The following HARS2 variants were observed in gnomAD, a reference collection of about 807,000 sequenced individuals.
HARS2 encodes the protein histidine--tRNA ligase, mitochondrial.
HARS2 carries 40 observed loss-of-function variants against 62.4 expected under a neutral mutation model. That is an observed-to-expected ratio of 0.64 (90% CI 0.50 to 0.83). The LOEUF is 0.83. HARS2 is among the 40% of genes least tolerant of loss of function. The pLI, the probability that HARS2 is intolerant of heterozygous loss-of-function variation, is 0.00. For missense variants in HARS2, 569 were observed against 626.4 expected (o/e 0.91, Z 0.98); for synonymous variants, 228 against 227.0 (o/e 1.00, Z -0.04).
chr5:140,693,424 A>G, intron 1 of HARS2, 167 bp from the exon 2 acceptor site: 3 of 1,361,012 alleles, frequency 2.2e-6, no homozygotes. Flanking sequence ...TAAATACAAC[A>G]TAGATTCTTT....
chr5:140,694,139 T>G (rs777331269), intron 3 of HARS2, 46 bp from the exon 4 acceptor site: 1 of 1,605,480 alleles, frequency 6.2e-7, no homozygotes. Context: ...ATCTGTGTTT[T>G]GGAGTCATGC....
rs1759777811 is a variant in HARS2, at chr5:140,697,142, G to C, written c.955-22G>C. ...AGGGTCCCGAGTCTAGTTTGGGACT[G>C]ACTGTAATCTTGTCCCCACAGATCT... On this transcript the variant is annotated intron_variant, in intron 9 of 12. Transcript: ENST00000230771. 12 of 1,614,138 alleles carry C rather than the reference G, an allele frequency of 7.4e-6. No homozygotes were observed. In the South Asian group the frequency reaches 7.7e-5, roughly 10 times the overall value.
chr5:140,697,453 T>C (rs1759796837), intron 10 of HARS2, 47 bp downstream of exon 10: 2 of 1,613,174 alleles, frequency 1.2e-6, no homozygotes, highest in Non-Finnish European at 1.7e-6. Flanking sequence ...CTAAAAACCC[T>C]CCTGTTTCTG....
chr5:140,691,643 C>G lies in HARS2; in HGVS notation c.-6C>G. 1 of 1,543,632 alleles carries G rather than the reference C, an allele frequency of 6.5e-7. No homozygotes were observed. The highest frequency in any genetic ancestry group is 8.8e-7 in the Non-Finnish European group (1 of 1,140,454). On this transcript the variant is annotated 5_prime_UTR_variant, in exon 1 of 13. Coordinates refer to ENST00000230771, the MANE Select transcript of HARS2 (RefSeq NM_012208.4). ...CTGTCCCGGAAAGCCGGCGTCCTGC[C>G]GCGCGATGCCCCTGCTCGGACTTCT...
At chr5:140,693,718 C>A in intron 2 of HARS2, 53 bp downstream of exon 2, 1 of 1,415,992 alleles carries the variant, frequency 7.1e-7, no homozygotes, top group Non-Finnish European at 1.0e-6. Flanking sequence ...GGACTGACCT[C>A]TGCCTTGCAT....
In HARS2 at chr5:140,696,044, C is replaced by T. The variant is rs1759728339; in HGVS notation, c.634-59C>T. 4.9e-6 allele frequency: 6 copies of T among 1,231,294 alleles called. No individual in the cohort carries two copies. In the Admixed American group the frequency reaches 5.0e-5, roughly 10 times the overall value. 76.3% of individuals were successfully genotyped at this position (1,231,294 alleles called of 1,614,324 possible). A position where few individuals can be genotyped will look rare whatever the true frequency, so the allele number is the denominator to read the frequency against. ...TGTGTGTCAGGAAAGTAGGTACTGCCATTGTTTTGAGTGGAAGGGCATTGA... is the reference window on the plus strand; with the variant it reads ...TGTGTGTCAGGAAAGTAGGTACTGCTATTGTTTTGAGTGGAAGGGCATTGA... On this transcript the variant is annotated intron_variant, in intron 6 of 12. Coordinates refer to ENST00000230771, the MANE Select transcript of HARS2 (RefSeq NM_012208.4).
chr5:140,696,514 T>G lies in HARS2; in HGVS notation c.733-7T>G. ...GGGGCTGGGCTAATGTTTGGGTGTT[T>G]ATGCAGATGGCTTGGAAAGATGTGA... On this transcript the variant is annotated splice_region_variant and splice_polypyrimidine_tract_variant and intron_variant, in intron 7 of 12. Coordinates refer to ENST00000230771, the MANE Select transcript of HARS2 (RefSeq NM_012208.4). 6.2e-7 allele frequency: 1 copy of G among 1,607,238 alleles called. No individual in the cohort carries two copies. Among genetic ancestry groups the G allele is most frequent in the Non-Finnish European group, 8.5e-7 (1 of 1,173,698 alleles).
rs368107818 is a variant in HARS2 at position 140,698,009 on chromosome 5, G to C, written c.1392G>C (p.Val464=). ...HYCESTGIPL[V]VIIGEQELKE... is the part of the protein sequence containing the mutation. ...GTGAGAGCACAGGCATTCCACTGGT[G>C]GTCATTATTGGTGAGCAAGAACTGA... is the stretch of plus-strand genomic sequence containing the variant. Residue 464 remains valine (V), a synonymous_variant, in exon 12 of 13, where the codon GTG becomes GTC. Coordinates refer to ENST00000230771, the MANE Select transcript of HARS2 (RefSeq NM_012208.4). 1.1e-5 allele frequency: 17 copies of C among 1,613,926 alleles called. No individual in the cohort carries two copies. The African/African-American group carries it at 1.6e-4, about 15-fold the overall frequency.
In HARS2 at chr5:140,695,857, G is replaced by A. The variant is rs1209277714; in HGVS notation, c.633+12G>A. On this transcript the variant is annotated intron_variant, in intron 6 of 12. Transcript: ENST00000230771. ...ACTTTCTCATTAAGGTGAGGCCAGG[G>A]CTGAGAACTGTGGGAGAAGTCTGGA... 1.3e-6 allele frequency: 2 copies of A among 1,565,448 alleles called. No individual in the cohort carries two copies. The highest frequency in any genetic ancestry group is 1.7e-5 in the Admixed American group (1 of 59,954).
rs765457460 is a variant in HARS2, at chr5:140,693,657, AC to A, written c.179del (p.Pro60GlnfsTer14). 6.2e-7 allele frequency: 1 copy of A among 1,613,212 alleles called. No homozygotes were observed. The highest frequency in any genetic ancestry group is 1.1e-5 in the South Asian group (1 of 91,060). On this transcript the variant is annotated frameshift_variant, in exon 2 of 13. Coordinates refer to ENST00000230771, the MANE Select transcript of HARS2 (RefSeq NM_012208.4). LOFTEE classifies it high-confidence loss of function. ...HQEKPNFIIK[T>X]PKGTRDLSPQ... ...AGAGAAACCAAATTTTATTATCAAG[AC>A]CCCAAAGGTAATACTTTTTGCCTAC...
In HARS2 at chr5:140,699,084, A is replaced by C; in HGVS notation, c.*532A>C. On this transcript the variant is annotated 3_prime_UTR_variant, in exon 13 of 13. Coordinates refer to ENST00000230771, the MANE Select transcript of HARS2 (RefSeq NM_012208.4). The stretch of plus-strand genomic sequence containing the variant: ...GCATGGCAGTACCCATGTTGATTTG[A>C]CATCTCTCTAGCCCATCCATTGCTT... 9.9e-6 allele frequency: 2 copies of C among 202,482 alleles called. No homozygotes were observed. Among genetic ancestry groups the C allele is most frequent in the Non-Finnish European group, 2.0e-5 (2 of 97,926 alleles). 12.5% of individuals were successfully genotyped at this position (202,482 alleles called of 1,614,324 possible).
At chr5:140,693,104 C>T (rs1345533190) in intron 1 of HARS2, among the ~76,000 whole-genome samples, 4 of 151,604 alleles carry the variant, frequency 2.6e-5, no homozygotes, top group Non-Finnish European at 5.9e-5. Flanking sequence ...GAGGCTGAAG[C>T]GGTTGGATCA....
intron 1 of HARS2, among the ~76,000 whole-genome samples, chr5:140,692,953 A>G (rs768575774): frequency 6.6e-6 from 1 of 152,100 alleles, no homozygotes; most frequent in Non-Finnish European, 1.5e-5. Flanking sequence ...GAAGATCACC[A>G]TAATCCCTAC....
Position 140,695,635 on chromosome 5 carries a change from T to TA in HARS2, c.525+4dup. On this transcript the variant is annotated splice_region_variant and intron_variant, in intron 5 of 12. Coordinates refer to ENST00000230771, the MANE Select transcript of HARS2 (RefSeq NM_012208.4). Reference sequence around the variant, plus strand: ...CGTTATAGGGAGTTCTGCCAGTGTGTAAGTGACCTGATGGGAGCAGCACAG... The same window carrying TA: ...CGTTATAGGGAGTTCTGCCAGTGTGTAAAGTGACCTGATGGGAGCAGCACAG... The TA allele has an allele frequency of 6.2e-7, 1 of 1,614,208 alleles. No homozygotes were observed. Among genetic ancestry groups the TA allele is most frequent in the Non-Finnish European group, 8.5e-7 (1 of 1,180,042 alleles).
intron 1 of HARS2, chr5:140,693,355 T>A: frequency 1.1e-5 from 8 of 717,178 alleles, no homozygotes; most frequent in African/African-American, 1.8e-5. Context: ...AAAATCCATA[T>A]ACAGTGAGGA....
intron 8 of HARS2, 65 bp from the exon 9 acceptor site, chr5:140,696,878 C>T: frequency 6.8e-6 from 9 of 1,327,512 alleles, no homozygotes; most frequent in Non-Finnish European, 9.6e-6. Context: ...CTAGCTAGAG[C>T]ACATTAGGGA....
chr5:140,697,058 A>C lies in HARS2; in HGVS notation c.942A>C (p.Gly314=), dbSNP rs1202983762. 1 of 1,614,024 alleles carries C rather than the reference A, an allele frequency of 6.2e-7. No individual in the cohort carries two copies. Among genetic ancestry groups the C allele is most frequent in the Non-Finnish European group, 8.5e-7 (1 of 1,180,046 alleles). ...TATTTGAATACCTGACTTTATTTGG[A>C]ATTGCTGATAAGGTAAGCTGAATTG... The part of the protein sequence containing the change: ...KLLFEYLTLF[G]IADKISFDLS... The change falls in exon 9 of 13, where the codon GGA becomes GGC. Residue 314 remains glycine (G), a synonymous_variant. Transcript: ENST00000230771.
intron 12 of HARS2, 121 bp from the exon 13 acceptor site, chr5:140,698,372 C>T: frequency 1.2e-6 from 1 of 854,120 alleles, no homozygotes; most frequent in South Asian, 1.3e-5. Context: ...ACCCACACTA[C>T]TCCTTTCTGG....
rs1759502223 is a variant in HARS2 at position 140,691,824 on chromosome 5, G to A, written c.108+68G>A. On this transcript the variant is annotated intron_variant, in intron 1 of 12. Coordinates refer to ENST00000230771, the MANE Select transcript of HARS2 (RefSeq NM_012208.4). ...TCCAGATCTGAACGCATAGCCTCGC[G>A]GCCTGTATTCCAGTAGTGTTACAAT... The A allele has an allele frequency of 4.6e-6, 5 of 1,091,856 alleles. No individual in the cohort carries two copies. In the African/African-American group the frequency reaches 4.7e-5, roughly 10 times the overall value. 67.6% of individuals were successfully genotyped at this position (1,091,856 alleles called of 1,614,324 possible).
Sources: gnomAD v4.1 joint callset for allele counts (sites outside exome capture counted in the v4.1 genomes callset) on GRCh38, gnomAD v4.1.1 for gene constraint, MANE v1.5 for transcripts, NCBI Gene and HGNC (gene_info 2026-07-23, HGNC 2026-07-21) for gene names.